Variants in LRRK1 observed in about 807,000 individuals in gnomAD.
The protein encoded by LRRK1 is leucine-rich repeat serine/threonine-protein kinase 1.
Under a neutral mutation model 209.1 loss-of-function variants are expected in LRRK1, and 113 were observed. The ratio of observed to expected loss-of-function variants is 0.54; its 90% CI spans 0.46 to 0.63. The LOEUF is 0.63. LRRK1 is among the 30% of genes least tolerant of loss of function. The pLI, the probability that LRRK1 is intolerant of heterozygous loss-of-function variation, is 0.00. For synonymous variants in LRRK1, 1,144 were observed against 1,099.7 expected (o/e 1.04, Z -0.80); for missense variants, 2,284 against 2,632.2 (o/e 0.87, Z 2.89).
At chr15:101,035,894 A>G (rs2034476464) in intron 20 of LRRK1, among the ~76,000 whole-genome samples, 1 of 152,096 alleles carries the variant, frequency 6.6e-6, no homozygotes, top group Non-Finnish European at 1.5e-5. Flanking sequence ...CTTCCAGGTT[A>G]AGGATCCCTT....
chr15:101,031,735 A>G (rs1260746041), intron 20 of LRRK1, among the ~76,000 whole-genome samples: 1 of 140,386 alleles, frequency 7.1e-6, no homozygotes, highest in Non-Finnish European at 1.6e-5. Flanking sequence ...TTTCCTCCCC[A>G]CTATTTTTTT....
intron 6 of LRRK1, among the ~76,000 whole-genome samples, chr15:101,006,737 G>C (rs2032976194): frequency 1.3e-5 from 2 of 152,208 alleles, no homozygotes; most frequent in African/African-American, 4.8e-5. Flanking sequence ...AAAAGCGTGT[G>C]TATTTGTGTG....
At position 100,990,887 on chromosome 15, in the gene LRRK1, A is replaced by C. The variant is rs561484394; in HGVS notation, c.762+1489A>C. 2.0e-5 allele frequency among the ~76,000 whole-genome samples: 3 copies of C among 152,316 alleles called. No individual in the cohort carries two copies. The East Asian group carries it at 5.8e-4, about 29-fold the overall frequency. On this transcript the variant is annotated intron_variant, in intron 6 of 33. Transcript: ENST00000388948. ...TCTCCTTTCTGGTATGTGGTTATAC[A>C]AGAAGGCCACTTTCCCTCTAATTTT...
At position 101,027,273 on chromosome 15, in the gene LRRK1, CA is replaced by C; in HGVS notation, c.2420del (p.Lys807ArgfsTer12). ...TTTTTGCTCACAGTGAGATTTCCTGCAAGAGCCTGGAAGGTCAGGAAGGGCT... is the reference window on the plus strand; with the variant it reads ...TTTTTGCTCACAGTGAGATTTCCTGCAGAGCCTGGAAGGTCAGGAAGGGCT... ...TFKHLHEISC[K>X]SLEGQEGLRQ... On this transcript the variant is annotated frameshift_variant, in exon 18 of 34. Transcript: ENST00000388948. LOFTEE classifies it high-confidence loss of function. This position sits in a 1 kb window ranked among gnomAD's most constrained non-coding sequence, Gnocchi z 5.1. The C allele has an allele frequency of 6.2e-7, 1 of 1,614,046 alleles. No individual in the cohort carries two copies. The highest frequency in any genetic ancestry group is 1.1e-5 in the South Asian group (1 of 91,070).
At position 100,998,818 on chromosome 15, in the gene LRRK1, G is replaced by A. The variant is rs1303345907; in HGVS notation, c.762+9420G>A. 2.0e-5 allele frequency among the ~76,000 whole-genome samples: 3 copies of A among 150,250 alleles called. No homozygotes were observed. In the East Asian group the frequency reaches 5.8e-4, roughly 29 times the overall value. On this transcript the variant is annotated intron_variant, in intron 6 of 33. Transcript: ENST00000388948. Reference sequence around the variant, plus strand: ...TACATGGTTGCATGGATGGATGGATGAATGGATGGATAGATAGATGGGTGG... The same window carrying A: ...TACATGGTTGCATGGATGGATGGATAAATGGATGGATAGATAGATGGGTGG...
chr15:101,051,478 G>A (rs1474177208), intron 23 of LRRK1, among the ~76,000 whole-genome samples: 2 of 152,216 alleles, frequency 1.3e-5, no homozygotes, highest in African/African-American at 2.4e-5. Flanking sequence ...CCACTGGACA[G>A]TTCTCGGAAG....
In LRRK1 at chr15:101,056,950, T is replaced by C; in HGVS notation, c.4427T>C (p.Leu1476Pro). ...GHHQLQIAKK[L>P]SKGIRPVLGQ... ...CACCAGCTCCAGATTGCCAAGAAGCTGTCCAAGGGCATCCGCCCGGTTCTG... is the reference window on the plus strand; with the variant it reads ...CACCAGCTCCAGATTGCCAAGAAGCCGTCCAAGGGCATCCGCCCGGTTCTG... The change falls in exon 28 of 34, where the codon CTG becomes CCG. Residue 1476 changes from leucine (L) to proline (P), a missense_variant. Around this residue, in one of 6 missense-constraint regions of LRRK1, gnomAD observed 59 missense variants for 103.8 expected, o/e 0.57. Coordinates refer to ENST00000388948, the MANE Select transcript of LRRK1 (RefSeq NM_024652.6). The C allele has an allele frequency of 1.2e-6, 2 of 1,614,168 alleles. No individual in the cohort carries two copies. Among genetic ancestry groups the C allele is most frequent in the Non-Finnish European group, 1.7e-6 (2 of 1,180,032 alleles).
Position 101,065,442 on chromosome 15 carries a change from C to T in LRRK1, c.5005C>T (p.Leu1669=). 2 of 1,614,232 alleles carry T rather than the reference C, an allele frequency of 1.2e-6. No homozygotes were observed. Among genetic ancestry groups the T allele is most frequent in the Middle Eastern group, 1.6e-4 (1 of 6,062 alleles). Reference sequence around the variant, plus strand: ...CACCCCAAAGGACAGCTGCTCCTACCTGTGCTCACACACAGCCAACAGGTC... The same window carrying T: ...CACCCCAAAGGACAGCTGCTCCTACTTGTGCTCACACACAGCCAACAGGTC... ...RGTPKDSCSY[L]CSHTANRSKF... is the part of the protein sequence containing the mutation. The change falls in exon 32 of 34, where the codon CTG becomes TTG. Residue 1669 remains leucine (L), a synonymous_variant. Coordinates refer to ENST00000388948, the MANE Select transcript of LRRK1 (RefSeq NM_024652.6).
chr15:101,004,107 C>T (rs1175314063), intron 6 of LRRK1, among the ~76,000 whole-genome samples: 4 of 152,206 alleles, frequency 2.6e-5, no homozygotes, highest in Non-Finnish European at 5.9e-5. Context: ...AATTCCCCTG[C>T]CCTGGGAGTG....
chr15:100,955,701 T>A (rs772185545), intron 2 of LRRK1, among the ~76,000 whole-genome samples: 1 of 88,384 alleles, frequency 1.1e-5, no homozygotes, highest in Non-Finnish European at 2.3e-5. Flanking sequence ...TTTGAAAGGA[T>A]GTTGAATTTT....
At chr15:100,929,854 G>C (rs1247658308) in intron 2 of LRRK1, among the ~76,000 whole-genome samples, 4 of 152,242 alleles carry the variant, frequency 2.6e-5, no homozygotes, top group Non-Finnish European at 5.9e-5. Context: ...AATGAGTGAG[G>C]AGAAGGACAG....
chr15:101,045,918 G>T (rs2035049831), intron 20 of LRRK1, 63 bp from the exon 21 acceptor site: 2 of 1,441,350 alleles, frequency 1.4e-6, no homozygotes. Flanking sequence ...CATCTGCTGG[G>T]GTCAGGGCCC....
rs146613620 is a variant in LRRK1 at position 101,031,644 on chromosome 15, G to C, written c.2963+2412G>C. The stretch of plus-strand genomic sequence containing the variant: ...CCAGGAGTGGAATTGCTGGATAATA[G>C]AGTGTAAGTTTAATTTTATAAGAAA... On this transcript the variant is annotated intron_variant, in intron 20 of 33. Transcript: ENST00000388948. 2.3e-3 allele frequency among the ~76,000 whole-genome samples: 350 copies of C among 152,186 alleles called. 1 individual carries two copies. Among genetic ancestry groups the C allele is most frequent in the African/African-American group, 8.1e-3 (337 of 41,514 alleles).
rs1335368006 is a variant in LRRK1 at position 101,074,813 on chromosome 15, A to T, written c.*5965A>T. 1.3e-5 allele frequency: 2 copies of T among 152,132 alleles called. No individual in the cohort carries two copies. Among genetic ancestry groups the T allele is most frequent in the African/African-American group, 2.4e-5 (1 of 41,418 alleles). 9.4% of individuals were successfully genotyped at this position (152,132 alleles called of 1,614,324 possible). A position where few individuals can be genotyped will look rare whatever the true frequency, so the allele number is the denominator to read the frequency against. On this transcript the variant is annotated 3_prime_UTR_variant, in exon 34 of 34. Transcript: ENST00000388948. Reference sequence around the variant, plus strand: ...CCTCCTCCCCCAGGAGCTTGCTACAAGTGCCAGAAATCTGGCCACCAGGCC... The same window carrying T: ...CCTCCTCCCCCAGGAGCTTGCTACATGTGCCAGAAATCTGGCCACCAGGCC...
Position 101,041,996 on chromosome 15 carries a change from G to A in LRRK1, c.2964-3985G>A, listed in dbSNP as rs143166353. Among the ~76,000 whole-genome samples the A allele has an allele frequency of 4.0e-4, 61 of 152,134 alleles. No individual in the cohort carries two copies. In the East Asian group the frequency reaches 0.011, roughly 26 times the overall value. ...TAATTGAAACCATGAAAAAGAAACT[G>A]CAGATAAGGGAGGACTACAATATAT... On this transcript the variant is annotated intron_variant, in intron 20 of 33. Coordinates refer to ENST00000388948, the MANE Select transcript of LRRK1 (RefSeq NM_024652.6).
chr15:100,920,224 T>C (rs2041997172), intron 1 of LRRK1: 1 of 152,344 alleles, frequency 6.6e-6, no homozygotes, highest in African/African-American at 2.4e-5. Flanking sequence ...GGCCGCGAAG[T>C]TTTTCTCCCA....
chr15:100,991,603 A>G (rs1596245458), intron 6 of LRRK1, among the ~76,000 whole-genome samples: 1 of 152,228 alleles, frequency 6.6e-6, no homozygotes, highest in East Asian at 1.9e-4. Flanking sequence ...ATTCACTCTA[A>G]TGTAGTTTTT....
chr15:101,049,463 G>C, intron 22 of LRRK1, 181 bp from the exon 23 acceptor site: 1 of 600,102 alleles, frequency 1.7e-6, no homozygotes, highest in South Asian at 2.7e-5. Flanking sequence ...CCAGGTCCGG[G>C]GCAAGAACAA....
chr15:100,966,746 G>A (rs1457415722), intron 2 of LRRK1, among the ~76,000 whole-genome samples: 1 of 152,164 alleles, frequency 6.6e-6, no homozygotes, highest in South Asian at 2.1e-4. Flanking sequence ...AGTCAGAGTC[G>A]AAACAGATAA....
Sources: allele counts gnomAD v4.1 joint callset (sites outside exome capture counted in the v4.1 genomes callset), GRCh38; gene constraint gnomAD v4.1.1; regional missense constraint gnomAD v4.1.1; non-coding constraint Gnocchi (gnomAD v3.1); transcripts MANE v1.5; gene names NCBI Gene and HGNC (gene_info 2026-07-23, HGNC 2026-07-21).